Variants in PRKG1 observed in about 807,000 individuals in gnomAD.
The protein encoded by PRKG1 is cGMP-dependent protein kinase 1.
A neutral mutation model predicts 88.1 loss-of-function variants in PRKG1; 35 were observed. The observed-to-expected ratio is 0.40, with a 90% CI of 0.30 to 0.53. The LOEUF is 0.53. Among genes scored for constraint, PRKG1 ranks in the 20% least tolerant of loss-of-function variants. The pLI is 0.59. For synonymous variants in PRKG1, 303 were observed against 292.5 expected, an observed-to-expected ratio of 1.04 and a Z score of -0.37; for missense variants, 540 against 839.8, an observed-to-expected ratio of 0.64 and a Z score of 4.41.
At chr10:51,874,116 T>C (rs1841231112) in intron 4 of PRKG1, among the ~76,000 whole-genome samples, 1 of 152,206 alleles carries the variant, frequency 6.6e-6, no homozygotes, top group African/African-American at 2.4e-5. Context: ...GGCAGGCATA[T>C]TCACTAAATC....
At chr10:51,114,496 A>C (rs1273917360) in intron 1 of PRKG1, among the ~76,000 whole-genome samples, 1 of 151,652 alleles carries the variant, frequency 6.6e-6, no homozygotes, top group Non-Finnish European at 1.5e-5. Flanking sequence ...TGTGAAGGGG[A>C]GGGGGACAAG....
intron 3 of PRKG1, among the ~76,000 whole-genome samples, chr10:51,485,999 C>T (rs188789165): frequency 1.3e-5 from 2 of 152,268 alleles, no homozygotes; most frequent in African/African-American, 4.8e-5. Flanking sequence ...ATGTTCGTTA[C>T]CGTCATTTAT....
upstream of PRKG1, among the ~76,000 whole-genome samples, chr10:51,073,690 G>C (rs1160937145): frequency 6.6e-6 from 1 of 152,178 alleles, no homozygotes; most frequent in Non-Finnish European, 1.5e-5. Context: ...CAGGCGAAGA[G>C]TAGCAACGCC....
chr10:51,697,871 C>T (rs750393468), intron 3 of PRKG1: 1 of 1,613,726 alleles, frequency 6.2e-7, no homozygotes, highest in South Asian at 1.1e-5. Context: ...ACTAAAACTG[C>T]TAGGCTGGCT....
intron 8 of PRKG1, among the ~76,000 whole-genome samples, chr10:52,157,881 C>T (rs1393729235): frequency 6.6e-6 from 1 of 151,568 alleles, no homozygotes; most frequent in East Asian, 1.9e-4. Flanking sequence ...AAAGGGATTT[C>T]CCATTTGCTC....
intron 5 of PRKG1, among the ~76,000 whole-genome samples, chr10:52,041,310 A>G (rs923673905): frequency 6.6e-6 from 1 of 152,244 alleles, no homozygotes; most frequent in African/African-American, 2.4e-5. Context: ...CCATCCCTGC[A>G]TCCTTTGGAT....
intron 3 of PRKG1, among the ~76,000 whole-genome samples, chr10:51,764,452 C>T (rs920844218): frequency 2.6e-5 from 4 of 152,106 alleles, no homozygotes; most frequent in Non-Finnish European, 5.9e-5. Flanking sequence ...CCTTGAATTT[C>T]CATGAAGTAT....
chr10:52,018,179 G>A (rs147398372), intron 5 of PRKG1, among the ~76,000 whole-genome samples: 2 of 152,216 alleles, frequency 1.3e-5, no homozygotes, highest in African/African-American at 4.8e-5. Flanking sequence ...CCTATTAACA[G>A]CTCATAAAAT....
At chr10:51,657,047 A>C (rs149773371) in intron 3 of PRKG1, among the ~76,000 whole-genome samples, 273 of 152,262 alleles carry the variant, frequency 1.8e-3, no homozygotes, top group African/African-American at 6.3e-3. Flanking sequence ...TTATTGTGAT[A>C]ATAAAATGGA....
chr10:52,282,954 G>A (rs1842032320), intron 14 of PRKG1, among the ~76,000 whole-genome samples: 1 of 152,126 alleles, frequency 6.6e-6, no homozygotes, highest in Admixed American at 6.6e-5. Context: ...AGGCAGCTGT[G>A]TCTTGAATGA....
intron 3 of PRKG1, among the ~76,000 whole-genome samples, chr10:51,613,406 C>G (rs746155403): frequency 9.9e-5 from 15 of 151,640 alleles, no homozygotes; most frequent in Non-Finnish European, 1.9e-4. Context: ...TGGGTCTTCT[C>G]TCTTCTTGGT....
chr10:51,640,768 G>A (rs1434508188), intron 3 of PRKG1, among the ~76,000 whole-genome samples: 1 of 152,128 alleles, frequency 6.6e-6, no homozygotes, highest in East Asian at 1.9e-4. Context: ...TCTCTATGTA[G>A]CTTTTAAACT....
At chr10:51,392,923 TCCCTCCC>T in intron 2 of PRKG1, among the ~76,000 whole-genome samples, 1 of 61,374 alleles carries the variant, frequency 1.6e-5, no homozygotes, top group African/African-American at 4.7e-5. Flanking sequence ...CACCCCCACC[TCCCTCCC>T]GGACGGGGCG....
intron 1 of PRKG1, among the ~76,000 whole-genome samples, chr10:51,041,573 A>G (rs1843423227): frequency 6.6e-6 from 1 of 151,788 alleles, no homozygotes; most frequent in Non-Finnish European, 1.5e-5. Flanking sequence ...CTTCTCTTTA[A>G]GGCAGTAGGT....
At chr10:51,743,292 G>A (rs1837482955) in intron 3 of PRKG1, among the ~76,000 whole-genome samples, 1 of 152,084 alleles carries the variant, frequency 6.6e-6, no homozygotes, top group Non-Finnish European at 1.5e-5. Context: ...AGAATAGGCA[G>A]GAACCCAGAT....
chr10:51,778,918 A>G (rs1838512256), intron 3 of PRKG1, among the ~76,000 whole-genome samples: 1 of 151,992 alleles, frequency 6.6e-6, no homozygotes, highest in Non-Finnish European at 1.5e-5. Flanking sequence ...ATAAGCTGGT[A>G]ATCTTTATAT....
At chr10:51,337,669 T>C (rs1030803224) in intron 2 of PRKG1, among the ~76,000 whole-genome samples, 5 of 152,120 alleles carry the variant, frequency 3.3e-5, no homozygotes, top group African/African-American at 9.7e-5. Flanking sequence ...TTACTGATCA[T>C]TAGAGAAATG....
At chr10:51,141,038 C>A (rs965567583) in intron 1 of PRKG1, among the ~76,000 whole-genome samples, 1 of 152,150 alleles carries the variant, frequency 6.6e-6, no homozygotes, top group Non-Finnish European at 1.5e-5. Context: ...TGGATTAATT[C>A]TTTAAACTGT....
intron 2 of PRKG1, among the ~76,000 whole-genome samples, chr10:51,197,337 A>C (rs1374678195): frequency 6.6e-6 from 1 of 152,212 alleles, no homozygotes; most frequent in Non-Finnish European, 1.5e-5. Context: ...CAGTGACATG[A>C]TCTCGGCTCA....
Sources: gnomAD v4.1 joint callset for allele counts (sites outside exome capture counted in the v4.1 genomes callset) on GRCh38, gnomAD v4.1.1 for gene constraint, MANE v1.5 for transcripts, NCBI Gene and HGNC (gene_info 2026-07-23, HGNC 2026-07-21) for gene names.